PRAG1: variants seen among roughly 807,000 people sequenced by gnomAD.
The protein encoded by PRAG1 is PEAK1 related, kinase-activating pseudokinase 1, also known as inactive tyrosine-protein kinase PRAG1.
Under a neutral mutation model 95.6 loss-of-function variants are expected in PRAG1, and 110 were observed. The observed-to-expected ratio is 1.15, with a 90% CI of 0.99 to 1.35. PRAG1 has a LOEUF of 1.35. PRAG1 is among the 40% of genes most tolerant of loss of function. The probability of loss-of-function intolerance (pLI) is 0.00; values close to 1 mark genes in which losing one functional copy is unlikely to be tolerated. For synonymous variants in PRAG1, 1,052 were observed against 819.4 expected (o/e 1.28, Z -4.85); for missense variants, 2,554 against 1,864.7 (o/e 1.37, Z -6.81).
intron 4 of PRAG1, among the ~76,000 whole-genome samples, chr8:8,334,924 A>T (rs1798939244): frequency 6.6e-6 from 1 of 152,066 alleles, no homozygotes; most frequent in Admixed American, 6.6e-5. Flanking sequence ...TCTACTAAAA[A>T]TAGAAAAATT....
chr8:8,318,187 G>T lies in PRAG1; in HGVS notation c.4188C>A (p.Leu1396=). ...QYLASAEPGA[L]LQSLKLLQLL The stretch of plus-strand genomic sequence containing the variant: ...GCTGCAGGAGCTTCAGCGACTGTAA[G>T]AGGGCCCCGGGCTCCGCAGACGCCA... Residue 1396 remains leucine, a synonymous_variant, in exon 6 of 6, where the codon CTC becomes CTA. Coordinates refer to ENST00000615670, the MANE Select transcript of PRAG1 (RefSeq NM_001080826.3). This position sits in a 1 kb window ranked among gnomAD's most constrained non-coding sequence, Gnocchi z 4.2. The T allele has an allele frequency of 6.2e-7, 1 of 1,613,906 alleles. No individual in the cohort carries two copies. Among genetic ancestry groups the T allele is most frequent in the Non-Finnish European group, 8.5e-7 (1 of 1,179,958 alleles).
At chr8:8,375,785 A>G (rs1357455834) in intron 3 of PRAG1, among the ~76,000 whole-genome samples, 2 of 152,088 alleles carry the variant, frequency 1.3e-5, no homozygotes, top group Non-Finnish European at 2.9e-5. Flanking sequence ...TCGGCCTCCC[A>G]AAGTGTTAGG....
chr8:8,328,171 G>T lies in PRAG1; in HGVS notation c.2611C>A (p.Arg871Ser). The T allele has an allele frequency of 1.2e-6, 2 of 1,614,248 alleles. No homozygotes were observed. The highest frequency in any genetic ancestry group is 1.1e-5 in the South Asian group (1 of 91,078). The change falls in exon 5 of 6, where the codon CGC becomes AGC. Residue 871 changes from arginine to serine, a missense_variant. By Grantham distance (110) the Arg-to-Ser change is moderately radical. Coordinates refer to ENST00000615670, the MANE Select transcript of PRAG1 (RefSeq NM_001080826.3). The part of the protein sequence containing the change: ...HFSYSLSPGN[R>S]HHPVFSSSDP... ...GAAGAGGAGAAGACAGGATGGTGGC[G>T]GTTCCCGGGGCTCAACGAATAGCTA...
rs765299852 is a variant in PRAG1, at chr8:8,318,970, G to C, written c.3405C>G (p.His1135Gln). ...GGTGGATGATCCCGTGCTCCTTCAG[G>C]TGCTCCAGCCCGTTGCAGAGTTGCA... ...LLLQLCNGLEHLKEHGIIHRD... is the reference protein window; with the variant it reads ...LLLQLCNGLEQLKEHGIIHRD... The change falls in exon 6 of 6, where the codon CAC (histidine) becomes CAG (glutamine). Residue 1135 changes from histidine to glutamine, a missense_variant. His to Gln is a conservative substitution (Grantham distance 24). Coordinates refer to ENST00000615670, the MANE Select transcript of PRAG1 (RefSeq NM_001080826.3). This position sits in a 1 kb window ranked among gnomAD's most constrained non-coding sequence, Gnocchi z 4.2. The C allele has an allele frequency of 4.3e-6, 7 of 1,613,148 alleles. No individual in the cohort carries two copies. The highest frequency in any genetic ancestry group is 2.7e-5 in the African/African-American group (2 of 74,882).
rs758250802 is a variant in PRAG1 at position 8,376,336 on chromosome 8, C to T, written c.2073G>A (p.Met691Ile). 1 of 1,614,090 alleles carries T rather than the reference C, an allele frequency of 6.2e-7. No individual in the cohort carries two copies. The highest frequency in any genetic ancestry group is 8.5e-7 in the Non-Finnish European group (1 of 1,180,050). ...SGQNSKVGTG[M>I]SKSASFAFEF... Reference sequence around the variant, plus strand: ...CAAAGGCAAAAGAGGCGGATTTGCTCATCCCGGTCCCAACTTTGCTGTTCT... The same window carrying T: ...CAAAGGCAAAAGAGGCGGATTTGCTTATCCCGGTCCCAACTTTGCTGTTCT... The change falls in exon 3 of 6, where the codon ATG (methionine) becomes ATA (isoleucine). Residue 691 changes from methionine (M) to isoleucine (I), a missense_variant. Transcript: ENST00000615670.
chr8:8,368,897 T>C (rs1442958053), intron 3 of PRAG1, among the ~76,000 whole-genome samples: 2 of 148,554 alleles, frequency 1.3e-5, no homozygotes, highest in African/African-American at 2.5e-5. Flanking sequence ...AAGAGAGTGC[T>C]GGCTCTACAC....
rs190955843 is a variant in PRAG1, at chr8:8,335,605, C to T, written c.2320+3873G>A. 8.7e-4 allele frequency among the ~76,000 whole-genome samples: 132 copies of T among 152,146 alleles called. 2 individuals are homozygous for T. The highest frequency in any genetic ancestry group is 4.9e-3 in the Admixed American group (75 of 15,286). On this transcript the variant is annotated intron_variant, in intron 4 of 5. Coordinates refer to ENST00000615670, the MANE Select transcript of PRAG1 (RefSeq NM_001080826.3). ...ATATATTATTTAAAATTCAGTTTAA[C>T]GGGGAAGGTTTAAATGAAGTTGAAG...
At chr8:8,340,074 T>C (rs1398242757) in intron 3 of PRAG1, among the ~76,000 whole-genome samples, 2 of 152,242 alleles carry the variant, frequency 1.3e-5, no homozygotes, top group African/African-American at 4.8e-5. Context: ...AAACTAGGCC[T>C]TTACAAGTGG....
chr8:8,377,082 C>G lies in PRAG1; in HGVS notation c.1327G>C (p.Gly443Arg). ...IEHAAAAQGQGQVCTGNAWAQ... is the reference protein window; with the variant it reads ...IEHAAAAQGQRQVCTGNAWAQ... ...CAGGCATTACCTGTGCATACCTGGC[C>G]TTGGCCCTGGGCAGCAGCTGCATGT... Residue 443 changes from glycine to arginine, a missense_variant, in exon 3 of 6, where the codon GGC (glycine) becomes CGC (arginine). Gly to Arg is a moderately radical substitution (Grantham distance 125). Coordinates refer to ENST00000615670, the MANE Select transcript of PRAG1 (RefSeq NM_001080826.3). The G allele has an allele frequency of 6.2e-7, 1 of 1,613,894 alleles. No homozygotes were observed. Among genetic ancestry groups the G allele is most frequent in the Non-Finnish European group, 8.5e-7 (1 of 1,180,030 alleles).
chr8:8,318,727 G>C lies in PRAG1; in HGVS notation c.3648C>G (p.Asn1216Lys). ...EKQLPRLIIS[N>K]FLKAKQKPGG... The stretch of plus-strand genomic sequence containing the variant: ...CCGGCTTCTGCTTGGCCTTCAAAAA[G>C]TTGCTGATGATGAGCCGGGGCAGCT... The change falls in exon 6 of 6, where the codon AAC becomes AAG. Residue 1216 changes from asparagine (N) to lysine (K), a missense_variant. Physicochemically the swap from Asn to Lys is moderately conservative, Grantham distance 94 (BLOSUM62 0). Coordinates refer to ENST00000615670, the MANE Select transcript of PRAG1 (RefSeq NM_001080826.3). This position sits in a 1 kb window ranked among gnomAD's most constrained non-coding sequence, Gnocchi z 4.2. The C allele has an allele frequency of 1.2e-6, 2 of 1,609,000 alleles. No individual in the cohort carries two copies. Among genetic ancestry groups the C allele is most frequent in the Non-Finnish European group, 1.7e-6 (2 of 1,178,082 alleles).
At chr8:8,320,552 G>T (rs1361157631) in intron 5 of PRAG1, among the ~76,000 whole-genome samples, 1 of 152,034 alleles carries the variant, frequency 6.6e-6, no homozygotes, top group Non-Finnish European at 1.5e-5. Flanking sequence ...ACCCTGAAAG[G>T]GACTGAAGTC....
At chr8:8,369,536 C>T (rs1430097297) in intron 3 of PRAG1, among the ~76,000 whole-genome samples, 2 of 152,074 alleles carry the variant, frequency 1.3e-5, no homozygotes, top group South Asian at 2.1e-4. Context: ...TTCTGGAAAA[C>T]GAAATAAACA....
chr8:8,331,559 G>A (rs556420528), intron 4 of PRAG1, among the ~76,000 whole-genome samples: 50 of 152,212 alleles, frequency 3.3e-4, no homozygotes, highest in African/African-American at 1.1e-3. Context: ...TTGTTATCTC[G>A]GTTCAATTGT....
At chr8:8,334,823 C>G (rs1389745772) in intron 4 of PRAG1, among the ~76,000 whole-genome samples, 1 of 151,870 alleles carries the variant, frequency 6.6e-6, no homozygotes, top group African/African-American at 2.4e-5. Context: ...TCGCTCATGC[C>G]TGTAATTCTA....
In PRAG1 at chr8:8,319,097, C is replaced by T. The variant is rs559215445; in HGVS notation, c.3278G>A (p.Arg1093Gln). The T allele has an allele frequency of 5.0e-6, 8 of 1,609,872 alleles. No homozygotes were observed. Among genetic ancestry groups the T allele is most frequent in the East Asian group, 4.5e-5 (2 of 44,840 alleles). Residue 1093 changes from arginine to glutamine, a missense_variant, in exon 6 of 6, where the codon CGA (arginine) becomes CAA (glutamine). Transcript: ENST00000615670. ...QEQDCVVVIT[R>Q]EVPHQTASDF... Reference sequence around the variant, plus strand: ...GGAGGCGGTCTGATGTGGCACCTCTCGGGTGATGACCACCACGCAGTCCTG... The same window carrying T: ...GGAGGCGGTCTGATGTGGCACCTCTTGGGTGATGACCACCACGCAGTCCTG...
At chr8:8,378,360 A>G (rs534871224) in intron 2 of PRAG1, among the ~76,000 whole-genome samples, 29 of 152,290 alleles carry the variant, frequency 1.9e-4, no homozygotes, top group African/African-American at 6.7e-4. Flanking sequence ...GTGAAGTAGG[A>G]AAAGAAAAAT....
In PRAG1 at chr8:8,363,100, T is replaced by C. The variant is rs569461640; in HGVS notation, c.2162+13147A>G. ...ATATATATGTGTGCGTGTGTATATA[T>C]ATATATACTTATATATAATATACTT... On this transcript the variant is annotated intron_variant, in intron 3 of 5. Coordinates refer to ENST00000615670, the MANE Select transcript of PRAG1 (RefSeq NM_001080826.3). 1.0e-3 allele frequency among the ~76,000 whole-genome samples: 153 copies of C among 148,756 alleles called. 1 individual carries two copies. Among genetic ancestry groups the C allele is most frequent in the Middle Eastern group, 7.1e-3 (2 of 280 alleles).
At position 8,319,051 on chromosome 8, in the gene PRAG1, C is replaced by A. The variant is rs1309474611; in HGVS notation, c.3324G>T (p.Ala1108=). 1 of 1,612,494 alleles carries A rather than the reference C, an allele frequency of 6.2e-7. No individual in the cohort carries two copies. Among genetic ancestry groups the A allele is most frequent in the Non-Finnish European group, 8.5e-7 (1 of 1,179,788 alleles). The part of the protein sequence containing the change: ...QTASDFVRDS[A]ASHQAEPEAY... ...CCTCGGGCTCCGCCTGGTGGCTGGC[C>A]GCCGAGTCCCGCACGAAGTCGGAGG... The change falls in exon 6 of 6, where the codon GCG becomes GCT. Residue 1108 remains alanine (A), a synonymous_variant. Coordinates refer to ENST00000615670, the MANE Select transcript of PRAG1 (RefSeq NM_001080826.3).
chr8:8,349,982 ATG>A (rs2116863836), intron 3 of PRAG1, among the ~76,000 whole-genome samples: 1 of 151,586 alleles, frequency 6.6e-6, no homozygotes, highest in South Asian at 2.1e-4. Flanking sequence ...ACACACATAC[ATG>A]CACACACACA....
Sources: gnomAD v4.1 joint callset for allele counts (sites outside exome capture counted in the v4.1 genomes callset) on GRCh38, gnomAD v4.1.1 for gene constraint, Gnocchi (gnomAD v3.1) non-coding constraint, MANE v1.5 for transcripts, NCBI Gene and HGNC (gene_info 2026-07-23, HGNC 2026-07-21) for gene names.